The following SAXO1 variants were observed in gnomAD, a reference collection of about 807,000 sequenced individuals.
SAXO1 encodes the protein 4930500O09Rik.
Under a neutral mutation model 17.5 loss-of-function variants are expected in SAXO1, and 21 were observed. The observed-to-expected ratio is 1.20, with a 90% CI of 0.85 to 1.72. SAXO1 has a LOEUF of 1.72. SAXO1 is among the 40% of genes most tolerant of loss of function. The pLI is 0.00. For synonymous variants in SAXO1, 274 were observed against 216.5 expected, an observed-to-expected ratio of 1.27 and a Z score of -2.33; for missense variants, 843 against 596.0, an observed-to-expected ratio of 1.41 and a Z score of -4.32.
intron 1 of SAXO1, among the ~76,000 whole-genome samples, chr9:18,959,315 T>A (rs916884183): frequency 6.6e-6 from 1 of 151,876 alleles, no homozygotes; most frequent in Non-Finnish European, 1.5e-5. Context: ...TGAACAAAAA[T>A]AATCGGTGGA....
intron 1 of SAXO1, among the ~76,000 whole-genome samples, chr9:18,972,990 C>T (rs758795470): frequency 1.3e-5 from 2 of 152,160 alleles, no homozygotes; most frequent in African/African-American, 2.4e-5. Flanking sequence ...AAACACTCCC[C>T]ACAAGCCCTC....
Position 18,955,407 on chromosome 9 carries a change from C to A in SAXO1, c.39-4470G>T, listed in dbSNP as rs184469602. 3.3e-5 allele frequency among the ~76,000 whole-genome samples: 5 copies of A among 152,258 alleles called. No individual in the cohort carries two copies. In the East Asian group the frequency reaches 9.6e-4, roughly 29 times the overall value. On this transcript the variant is annotated intron_variant, in intron 1 of 3. Transcript: ENST00000380534. ...TCCTTCAGTTCAGACCAGACACATTCCAAATGCTCAACAGCCACATATGGT... is the reference window on the plus strand; with the variant it reads ...TCCTTCAGTTCAGACCAGACACATTACAAATGCTCAACAGCCACATATGGT...
At chr9:18,952,510 C>A (rs1337636448) in intron 1 of SAXO1, among the ~76,000 whole-genome samples, 1 of 152,156 alleles carries the variant, frequency 6.6e-6, no homozygotes, top group African/African-American at 2.4e-5. Flanking sequence ...TCCATCTACT[C>A]TCCAGAGAAA....
At chr9:18,947,916 G>A (rs1351919208) in intron 2 of SAXO1, among the ~76,000 whole-genome samples, 2 of 152,102 alleles carry the variant, frequency 1.3e-5, no homozygotes, top group African/African-American at 4.8e-5. Flanking sequence ...TTTTGTGTCT[G>A]GGCTTAATCA....
intron 1 of SAXO1, among the ~76,000 whole-genome samples, chr9:18,965,594 G>A (rs747245334): frequency 6.7e-6 from 1 of 148,518 alleles, no homozygotes; most frequent in Non-Finnish European, 1.5e-5. Context: ...CTTTCCATTT[G>A]CTTGGTATAT....
At chr9:18,946,227 G>C (rs1366518603) in intron 2 of SAXO1, among the ~76,000 whole-genome samples, 1 of 132,412 alleles carries the variant, frequency 7.6e-6, no homozygotes, top group African/African-American at 2.9e-5. Flanking sequence ...GGTGAGCCGA[G>C]ATCGTGCCAC....
At chr9:18,962,198 G>A (rs1368179621) in intron 1 of SAXO1, among the ~76,000 whole-genome samples, 2 of 152,180 alleles carry the variant, frequency 1.3e-5, no homozygotes, top group Admixed American at 1.3e-4. Context: ...CTCCTAAGTA[G>A]CTGGAATTAT....
intron 1 of SAXO1, among the ~76,000 whole-genome samples, chr9:18,957,446 C>A (rs1400519125): frequency 1.3e-5 from 2 of 152,160 alleles, no homozygotes; most frequent in Non-Finnish European, 2.9e-5. Flanking sequence ...GGCCCAATCA[C>A]CTCCCACATA....
intron 1 of SAXO1, chr9:19,027,931 TGAACGTCAGTCCTGACGTGAACTGCGAGG>T (rs1404422530): frequency 7.0e-7 from 1 of 1,419,150 alleles, no homozygotes; most frequent in Non-Finnish European, 9.9e-7. Flanking sequence ...TCCCAAAAGA[TGAACGTCAGTCCTGACGTGAACTGCGAGG>T]GAGCTGACCC....
intron 1 of SAXO1, among the ~76,000 whole-genome samples, chr9:19,046,423 C>T (rs956153736): frequency 6.6e-5 from 10 of 152,126 alleles, no homozygotes; most frequent in African/African-American, 1.9e-4. Context: ...AGGCCAGGTG[C>T]GGTGGCTCAC....
intron 1 of SAXO1, among the ~76,000 whole-genome samples, chr9:18,960,791 A>G (rs945064807): frequency 8.7e-5 from 5 of 57,454 alleles, no homozygotes; most frequent in Admixed American, 3.0e-4. Flanking sequence ...AAAAGAAAAA[A>G]AAATTGCTGA....
intron 1 of SAXO1, among the ~76,000 whole-genome samples, chr9:18,980,779 C>T (rs1470846843): frequency 2.1e-4 from 2 of 9,732 alleles, no homozygotes; most frequent in African/African-American, 1.3e-3. Context: ...TTTTAAAAAA[C>T]TGAAAAAAAA....
At chr9:18,945,244 A>G (rs1171882145) in intron 2 of SAXO1, among the ~76,000 whole-genome samples, 7 of 152,054 alleles carry the variant, frequency 4.6e-5, no homozygotes, top group African/African-American at 1.7e-4. Context: ...TCACTCCTGG[A>G]TACTCCAAGC....
intron 1 of SAXO1, among the ~76,000 whole-genome samples, chr9:18,968,087 ACCAGTC>A (rs1301702404): frequency 1.3e-5 from 2 of 152,246 alleles, no homozygotes; most frequent in African/African-American, 4.8e-5. Context: ...CCACTGTCTA[ACCAGTC>A]CCAATGAGAC....
intron 3 of SAXO1, 88 bp from the exon 4 acceptor site, chr9:18,929,143 T>C (rs1830925069): frequency 1.4e-6 from 2 of 1,424,214 alleles, no homozygotes; most frequent in Non-Finnish European, 1.9e-6. Flanking sequence ...CTTAAGGCAG[T>C]CTCCGATGAA....
At chr9:19,026,951 G>A in intron 1 of SAXO1, 2 of 873,334 alleles carry the variant, frequency 2.3e-6, no homozygotes, top group South Asian at 1.3e-5. Flanking sequence ...TGCTCAACAT[G>A]TCCACGGAGG....
At chr9:18,994,340 G>C (rs1406533572) in intron 1 of SAXO1, among the ~76,000 whole-genome samples, 2 of 152,180 alleles carry the variant, frequency 1.3e-5, no homozygotes, top group African/African-American at 4.8e-5. Context: ...ATGGGTTAAA[G>C]TTACTGTTTT....
At chr9:18,947,437 C>T (rs772556378) in intron 2 of SAXO1, among the ~76,000 whole-genome samples, 6 of 152,276 alleles carry the variant, frequency 3.9e-5, no homozygotes, top group African/African-American at 1.2e-4. Context: ...TTCAGCCACA[C>T]CCATCAAGTC....
chr9:18,984,029 A>G (rs562535592), intron 1 of SAXO1, among the ~76,000 whole-genome samples: 3 of 152,040 alleles, frequency 2.0e-5, no homozygotes, highest in African/African-American at 7.3e-5. Context: ...AGGGATAGAC[A>G]ATATTCATCT....
Sources: allele counts gnomAD v4.1 joint callset (sites outside exome capture counted in the v4.1 genomes callset), GRCh38; gene constraint gnomAD v4.1.1; transcripts MANE v1.5; gene names NCBI Gene and HGNC (gene_info 2026-07-23, HGNC 2026-07-21).